Variants in ANKS1B observed in about 807,000 individuals in gnomAD.
ANKS1B encodes the protein ankyrin repeat and sterile alpha motif domain-containing protein 1B.
ANKS1B carries 36 observed loss-of-function variants against 148.3 expected under a neutral mutation model. That is an observed-to-expected ratio of 0.24 (90% CI 0.19 to 0.32). The LOEUF (loss-of-function observed/expected upper bound fraction) is 0.32. Ranked by LOEUF, ANKS1B falls within the 10% of genes least tolerant of loss-of-function variation. ANKS1B has a pLI of 1.00. For missense variants in ANKS1B, 1,157 were observed against 1,542.6 expected, an observed-to-expected ratio of 0.75 and a Z score of 4.19; for synonymous variants, 542 against 560.8, an observed-to-expected ratio of 0.97 and a Z score of 0.47.
chr12:99,968,638 G>A (rs984785719), intron 1 of ANKS1B, among the ~76,000 whole-genome samples: 2 of 152,170 alleles, frequency 1.3e-5, no homozygotes, highest in East Asian at 1.9e-4. Flanking sequence ...AAAGGAATGA[G>A]GACAAATAAA....
At chr12:99,710,929 G>A (rs1459539164) in intron 8 of ANKS1B, among the ~76,000 whole-genome samples, 1 of 151,958 alleles carries the variant, frequency 6.6e-6, no homozygotes, top group African/African-American at 2.4e-5. Flanking sequence ...TTTGCTTTGT[G>A]TTAATTCCTT....
At chr12:99,529,588 G>T (rs2153085657) in intron 9 of ANKS1B, among the ~76,000 whole-genome samples, 1 of 149,268 alleles carries the variant, frequency 6.7e-6, no homozygotes, top group South Asian at 2.1e-4. Flanking sequence ...GGGAGGCAGA[G>T]GTTGCAGTGA....
At chr12:98,980,913 T>C (rs2099909205) in intron 17 of ANKS1B, among the ~76,000 whole-genome samples, 2 of 152,210 alleles carry the variant, frequency 1.3e-5, no homozygotes, top group East Asian at 3.9e-4. Context: ...ATTGTAGAAA[T>C]CACTTTTTTT....
chr12:98,947,217 G>C (rs2099846872), intron 17 of ANKS1B, among the ~76,000 whole-genome samples: 1 of 152,132 alleles, frequency 6.6e-6, no homozygotes, highest in Non-Finnish European at 1.5e-5. Context: ...AACCACAGAA[G>C]GCTTTTGAGT....
intron 10 of ANKS1B, among the ~76,000 whole-genome samples, chr12:99,487,618 G>GT (rs201420572): frequency 2.0e-5 from 3 of 151,084 alleles, no homozygotes; most frequent in Non-Finnish European, 4.4e-5. Context: ...TTCAATATGG[G>GT]GGGGGGACAT....
chr12:99,207,918 A>G (rs1202986181), intron 14 of ANKS1B, among the ~76,000 whole-genome samples: 3 of 152,044 alleles, frequency 2.0e-5, no homozygotes, highest in East Asian at 1.9e-4. Flanking sequence ...AAGGAACTCT[A>G]TAAGGGTGAT....
rs1202552070 is a variant in ANKS1B at position 99,141,552 on chromosome 12, A to C, written c.2526+12737T>G. Among the ~76,000 whole-genome samples the C allele has an allele frequency of 6.6e-5, 10 of 151,756 alleles. No individual in the cohort carries two copies. In the East Asian group the frequency reaches 1.9e-3, roughly 29 times the overall value. On this transcript the variant is annotated intron_variant, in intron 15 of 26. Coordinates refer to ENST00000683438, the MANE Select transcript of ANKS1B (RefSeq NM_001352186.2). ...CAGGTATTAAGCCCAGCATACCTTA[A>C]CTATTCTTCCTGATGCTCTCCCTCC...
At chr12:99,130,890 G>C (rs1224974266) in intron 15 of ANKS1B, among the ~76,000 whole-genome samples, 1 of 151,928 alleles carries the variant, frequency 6.6e-6, no homozygotes, top group Non-Finnish European at 1.5e-5. Context: ...ATTCTTCCTG[G>C]GCTTCTGTAC....
intron 4 of ANKS1B, 63 bp downstream of exon 4, chr12:99,806,340 AT>A: frequency 6.3e-7 from 1 of 1,579,122 alleles, no homozygotes; most frequent in South Asian, 1.1e-5. Context: ...AGGTTTTCAC[AT>A]TTGAATCCCA....
intron 13 of ANKS1B, 84 bp from the exon 14 acceptor site, chr12:99,244,498 C>A (rs2712643): frequency 0.22 from 188,330 of 874,724 alleles, 22,233 homozygotes; most frequent in Middle Eastern, 0.28. Context: ...ATGAAGGGAG[C>A]AAATATTTTT....
chr12:99,517,867 C>T (rs1373694681), intron 9 of ANKS1B, among the ~76,000 whole-genome samples: 1 of 152,058 alleles, frequency 6.6e-6, no homozygotes, highest in Non-Finnish European at 1.5e-5. Flanking sequence ...TCATATATAG[C>T]TCTTATTATG....
chr12:99,504,377 A>G (rs1453820789), intron 10 of ANKS1B, 99 bp downstream of exon 10: 7 of 1,268,176 alleles, frequency 5.5e-6, no homozygotes, highest in Non-Finnish European at 6.6e-6. Context: ...GGGAACTTTC[A>G]TTTTGATAAC....
At chr12:99,637,768 C>T (rs1347840580) in intron 9 of ANKS1B, among the ~76,000 whole-genome samples, 15 of 149,366 alleles carry the variant, frequency 1.0e-4, no homozygotes, top group African/African-American at 3.7e-4. Context: ...GTGAGTTTAA[C>T]ACTCCTTAAT....
rs1269371485 is a variant in ANKS1B, at chr12:99,912,064, AGACTGCAAGT to A, written c.134+72030_134+72039del. The stretch of plus-strand genomic sequence containing the variant: ...AGTGATTCATGAATTAGGCAGCACC[AGACTGCAAGT>A]GATTTGGGCTCCACCAAAGGCGTGC... On this transcript the variant is annotated intron_variant, in intron 1 of 26. Transcript: ENST00000683438. 9.2e-5 allele frequency among the ~76,000 whole-genome samples: 14 copies of A among 152,352 alleles called. No individual in the cohort carries two copies. The South Asian group carries it at 2.5e-3, about 27-fold the overall frequency.
chr12:99,639,106 A>C (rs2098274793), intron 9 of ANKS1B, among the ~76,000 whole-genome samples: 1 of 152,194 alleles, frequency 6.6e-6, no homozygotes, highest in South Asian at 2.1e-4. Flanking sequence ...GCAGTGTGAA[A>C]GGGAAATGTG....
At chr12:99,004,009 G>C (rs2099934602) in intron 17 of ANKS1B, among the ~76,000 whole-genome samples, 1 of 152,234 alleles carries the variant, frequency 6.6e-6, no homozygotes, top group African/African-American at 2.4e-5. Flanking sequence ...AATTCCTGCT[G>C]AAAAGGAAAA....
chr12:99,639,818 CCA>C (rs1391698695), intron 9 of ANKS1B, among the ~76,000 whole-genome samples: 1 of 152,144 alleles, frequency 6.6e-6, no homozygotes, highest in Non-Finnish European at 1.5e-5. Flanking sequence ...TATAAATTAC[CCA>C]GTCTTGGGCA....
chr12:99,266,255 G>A (rs1188860568), intron 12 of ANKS1B, among the ~76,000 whole-genome samples: 2 of 152,124 alleles, frequency 1.3e-5, no homozygotes, highest in Admixed American at 1.3e-4. Flanking sequence ...GGAGACTGAG[G>A]CTTACATGGT....
intron 9 of ANKS1B, among the ~76,000 whole-genome samples, chr12:99,515,861 G>T (rs1443861329): frequency 6.6e-6 from 1 of 152,074 alleles, no homozygotes; most frequent in Non-Finnish European, 1.5e-5. Flanking sequence ...TCATTTAACT[G>T]GGGTGAAATG....
Sources: gnomAD v4.1 joint callset for allele counts (sites outside exome capture counted in the v4.1 genomes callset) on GRCh38, gnomAD v4.1.1 for gene constraint, MANE v1.5 for transcripts, NCBI Gene and HGNC (gene_info 2026-07-23, HGNC 2026-07-21) for gene names.